RRP12: variants seen among roughly 807,000 people sequenced by gnomAD.
RRP12 encodes the protein RRP12-like protein.
In RRP12, 78 loss-of-function variants were observed where a neutral mutation model predicts 157.3. The observed-to-expected ratio is 0.50, with a 90% CI of 0.41 to 0.60. RRP12 has a LOEUF of 0.60. RRP12 is among the 20% of genes least tolerant of loss of function. The probability of loss-of-function intolerance (pLI) is 0.00; values close to 1 mark genes in which losing one functional copy is unlikely to be tolerated. For missense variants in RRP12, 1,521 were observed against 1,679.9 expected, an observed-to-expected ratio of 0.91 and a Z score of 1.65; for synonymous variants, 726 against 670.9, an observed-to-expected ratio of 1.08 and a Z score of -1.27.
At chr10:97,387,940 T>TAAAAAAAAAA (rs1844683011) in intron 8 of RRP12, 1 of 93,830 alleles carries the variant, frequency 1.1e-5, no homozygotes, top group African/African-American at 2.7e-4. Context: ...AAACTCGGTC[T>TAAAAAAAAAA]CAAAAAAAAA....
chr10:97,357,058 A>C lies in RRP12; in HGVS notation c.*36T>G. 7.6e-7 allele frequency: 1 copy of C among 1,309,918 alleles called. No homozygotes were observed. Among genetic ancestry groups the C allele is most frequent in the Non-Finnish European group, 1.1e-6 (1 of 911,890 alleles). The allele number at this position is 1,309,918 out of a possible 1,614,324, so 81.1% of individuals were successfully genotyped here. A position where few individuals can be genotyped will look rare whatever the true frequency, so the allele number is the denominator to read the frequency against. On this transcript the variant is annotated 3_prime_UTR_variant, in exon 34 of 34. Transcript: ENST00000370992. ...GCAGCCTGGGGGCTGAAAGGGCCTCAGACTGGACCACAGGGCAGCCCAGGG... is the reference window on the plus strand; with the variant it reads ...GCAGCCTGGGGGCTGAAAGGGCCTCCGACTGGACCACAGGGCAGCCCAGGG...
chr10:97,388,413 C>T, intron 7 of RRP12, 34 bp from the exon 8 acceptor site: 1 of 1,613,138 alleles, frequency 6.2e-7, no homozygotes, highest in Non-Finnish European at 8.5e-7. Flanking sequence ...GACACCAGCC[C>T]CGCCCTACCG....
At position 97,366,136 on chromosome 10, in the gene RRP12, G is replaced by A. The variant is rs1056959980; in HGVS notation, c.3489C>T (p.Asn1163=). ...RLIIREEADG[N]KMEEEEGAKG... ...TGGCACCTTCCTCTTCCTCCATCTT[G>A]TTGCCGTCTGCCTCCTCCCTTATGA... is the stretch of plus-strand genomic sequence containing the variant. Residue 1163 remains asparagine, a synonymous_variant, in exon 29 of 34, where the codon AAC becomes AAT. Coordinates refer to ENST00000370992, the MANE Select transcript of RRP12 (RefSeq NM_015179.4). The A allele has an allele frequency of 1.2e-6, 2 of 1,605,936 alleles. No homozygotes were observed. The highest frequency in any genetic ancestry group is 1.7e-6 in the Non-Finnish European group (2 of 1,179,908).
chr10:97,358,433 A>C (rs1843765172), intron 33 of RRP12, 104 bp downstream of exon 33: 8 of 839,556 alleles, frequency 9.5e-6, no homozygotes, highest in Non-Finnish European at 2.0e-6. Context: ...GAAGAGACTC[A>C]AATTGAGCTG....
At chr10:97,381,659 AG>A (rs1365888504) in intron 11 of RRP12, 55 bp downstream of exon 11, 4 of 1,453,374 alleles carry the variant, frequency 2.8e-6, no homozygotes, top group Admixed American at 3.5e-5. Flanking sequence ...TGGGAAAGAC[AG>A]GGCAGCCCAT....
chr10:97,374,433 AT>A (rs1430398529), intron 15 of RRP12, among the ~76,000 whole-genome samples: 5 of 148,480 alleles, frequency 3.4e-5, no homozygotes, highest in African/African-American at 9.8e-5. Context: ...AAGTGCTGGG[AT>A]TACAGGTGTG....
chr10:97,401,294 C>T lies in RRP12; in HGVS notation c.-63G>A. The T allele has an allele frequency of 1.2e-6, 2 of 1,603,388 alleles. No homozygotes were observed. Among genetic ancestry groups the T allele is most frequent in the Non-Finnish European group, 1.7e-6 (2 of 1,171,792 alleles). ...CGGCTTCCAGGGACGTAGAAACACG[C>T]TCAGAACCCACGTGGATACCCTGTA... On this transcript the variant is annotated 5_prime_UTR_variant, in exon 1 of 34. Transcript: ENST00000370992.
Position 97,390,510 on chromosome 10 carries a change from C to T in RRP12, c.666G>A (p.Arg222=). 1 of 1,614,008 alleles carries T rather than the reference C, an allele frequency of 6.2e-7. No homozygotes were observed. The highest frequency in any genetic ancestry group is 8.5e-7 in the Non-Finnish European group (1 of 1,179,954). The change falls in exon 6 of 34, where the codon CGG becomes CGA. Residue 222 remains arginine (R), a synonymous_variant. Transcript: ENST00000370992. ...AGCCCCAGGCCTCCAGGTCTTGCTT[C>T]CGCAGAAGGGTGGCCAGGCAGGAAA... ...WVLSCLATLL[R]KQDLEAWGYP...
intron 30 of RRP12, 23 bp downstream of exon 30, chr10:97,363,828 GCCC>G (rs1161139758): frequency 1.2e-6 from 2 of 1,605,330 alleles, no homozygotes; most frequent in African/African-American, 2.7e-5. Flanking sequence ...TGAAGCCCTA[GCCC>G]CCCATCTGCA....
intron 31 of RRP12, among the ~76,000 whole-genome samples, chr10:97,360,195 G>C (rs748361261): frequency 6.6e-6 from 1 of 152,228 alleles, no homozygotes; most frequent in Non-Finnish European, 1.5e-5. Flanking sequence ...AACCCAGCCT[G>C]ACTCGGTTGG....
In RRP12 at chr10:97,388,736, T is replaced by C. The variant is rs986729042; in HGVS notation, c.754-112A>G. 3 of 1,298,182 alleles carry C rather than the reference T, an allele frequency of 2.3e-6. No individual in the cohort carries two copies. In the African/African-American group the frequency reaches 4.4e-5, roughly 19 times the overall value. The allele number at this position is 1,298,182 out of a possible 1,614,324, so 80.4% of individuals were successfully genotyped here. A position where few individuals can be genotyped will look rare whatever the true frequency, so the allele number is the denominator to read the frequency against. ...TTTGGCTGAAATATAGATCCAATGA[T>C]GATCTGACTACTATAGATCCAGTGC... On this transcript the variant is annotated intron_variant, in intron 6 of 33. Coordinates refer to ENST00000370992, the MANE Select transcript of RRP12 (RefSeq NM_015179.4).
At chr10:97,359,655 T>A (rs959977559) in intron 31 of RRP12, among the ~76,000 whole-genome samples, 9 of 152,072 alleles carry the variant, frequency 5.9e-5, no homozygotes, top group African/African-American at 2.2e-4. Context: ...CCACCCCCAT[T>A]CCTCATGTTT....
chr10:97,391,439 C>T lies in RRP12; in HGVS notation c.531-595G>A, dbSNP rs193042865. Among the ~76,000 whole-genome samples, 607 of 152,196 alleles carry T rather than the reference C, an allele frequency of 4.0e-3. 2 individuals carry two copies. Among genetic ancestry groups the T allele is most frequent in the African/African-American group, 0.01 (427 of 41,524 alleles). Reference sequence around the variant, plus strand: ...ATACAAAATTAGCTGGGCGTGATGGCGCCCGCCTGTAATCCCAGCTACTTG... The same window carrying T: ...ATACAAAATTAGCTGGGCGTGATGGTGCCCGCCTGTAATCCCAGCTACTTG... On this transcript the variant is annotated intron_variant, in intron 4 of 33. Coordinates refer to ENST00000370992, the MANE Select transcript of RRP12 (RefSeq NM_015179.4).
Position 97,356,758 on chromosome 10 carries a change from A to G in RRP12, c.*336T>C. 3.9e-6 allele frequency: 1 copy of G among 258,086 alleles called. No individual in the cohort carries two copies. Among genetic ancestry groups the G allele is most frequent in the South Asian group, 9.1e-5 (1 of 10,966 alleles). The allele number at this position is 258,086 out of a possible 1,614,324, so 16.0% of individuals were successfully genotyped here. On this transcript the variant is annotated 3_prime_UTR_variant, in exon 34 of 34. Coordinates refer to ENST00000370992, the MANE Select transcript of RRP12 (RefSeq NM_015179.4). ...TCACAGTAAATCTCACCCAGACCACAGGCAGGATGCCACGTGGCTACAGGC... is the reference window on the plus strand; with the variant it reads ...TCACAGTAAATCTCACCCAGACCACGGGCAGGATGCCACGTGGCTACAGGC...
At chr10:97,362,098 T>A (rs1379548870) in intron 30 of RRP12, among the ~76,000 whole-genome samples, 1 of 135,752 alleles carries the variant, frequency 7.4e-6, no homozygotes, top group African/African-American at 3.0e-5. Context: ...AAAGTGAGAC[T>A]TCATCTCAAA....
chr10:97,384,794 T>C (rs535855584), intron 10 of RRP12, among the ~76,000 whole-genome samples: 1 of 147,564 alleles, frequency 6.8e-6, no homozygotes, highest in Admixed American at 6.7e-5. Context: ...CTCGGCAGCC[T>C]GGACAGAGGC....
intron 4 of RRP12, among the ~76,000 whole-genome samples, chr10:97,392,785 G>A (rs987503309): frequency 3.3e-5 from 5 of 151,268 alleles, no homozygotes; most frequent in African/African-American, 1.2e-4. Flanking sequence ...TCTGCCTACT[G>A]GGTTCAAGCA....
In RRP12 at chr10:97,370,850, A is replaced by T. The variant is rs541388728; in HGVS notation, c.2503-54T>A. On this transcript the variant is annotated intron_variant, in intron 21 of 33. Transcript: ENST00000370992. ...CCCTCAATGCTACCTCCACCCAACA[A>T]GCCTCAACAGTGGCTCCTTTCCTGG... 134 of 1,610,122 alleles carry T rather than the reference A, an allele frequency of 8.3e-5. No individual in the cohort carries two copies. In the Admixed American group the frequency reaches 1.1e-3, roughly 13 times the overall value.
intron 15 of RRP12, among the ~76,000 whole-genome samples, chr10:97,376,355 C>T (rs1425323147): frequency 6.6e-6 from 1 of 150,816 alleles, no homozygotes; most frequent in Non-Finnish European, 1.5e-5. Context: ...GCTGGGATTA[C>T]AGGTGCGTGC....
Sources: gnomAD v4.1 joint callset for allele counts (sites outside exome capture counted in the v4.1 genomes callset) on GRCh38, gnomAD v4.1.1 for gene constraint, MANE v1.5 for transcripts, NCBI Gene and HGNC (gene_info 2026-07-23, HGNC 2026-07-21) for gene names.